JAKMIP2: variants seen among roughly 807,000 people sequenced by gnomAD.
JAKMIP2 encodes the protein janus kinase and microtubule interacting protein 2.
In JAKMIP2, 25 loss-of-function variants were observed where a neutral mutation model predicts 115.0. The ratio of observed to expected loss-of-function variants is 0.22; its 90% confidence interval spans 0.16 to 0.30. The LOEUF is 0.30. Ranked by LOEUF, JAKMIP2 falls within the 10% of genes least tolerant of loss-of-function variation. The pLI, the probability that JAKMIP2 is intolerant of heterozygous loss-of-function variation, is 1.00. For missense variants in JAKMIP2, 642 were observed against 957.6 expected, an observed-to-expected ratio of 0.67 and a Z score of 4.35; for synonymous variants, 334 against 343.6, an observed-to-expected ratio of 0.97 and a Z score of 0.31.
At chr5:147,599,225 G>T (rs561487931) in intron 21 of JAKMIP2, among the ~76,000 whole-genome samples, 1 of 152,242 alleles carries the variant, frequency 6.6e-6, no homozygotes, top group South Asian at 2.1e-4. Flanking sequence ...GCACTGTTAT[G>T]CCTTTGACAT....
At chr5:147,617,430 G>C (rs1756642530) in intron 19 of JAKMIP2, among the ~76,000 whole-genome samples, 1 of 152,166 alleles carries the variant, frequency 6.6e-6, no homozygotes, top group Non-Finnish European at 1.5e-5. Context: ...TTTAGTTACT[G>C]ACATAAAGCA....
intron 1 of JAKMIP2, among the ~76,000 whole-genome samples, chr5:147,724,176 C>G (rs918248001): frequency 6.6e-6 from 1 of 152,118 alleles, no homozygotes; most frequent in Non-Finnish European, 1.5e-5. Flanking sequence ...GAGTTAGGTC[C>G]TGTGGATACA....
chr5:147,709,890 C>T (rs1752718136), intron 1 of JAKMIP2, among the ~76,000 whole-genome samples: 1 of 152,090 alleles, frequency 6.6e-6, no homozygotes, highest in African/African-American at 2.4e-5. Context: ...AGTCTTTCTT[C>T]TTTTGTTCTC....
Position 147,585,941 on chromosome 5 carries a change from T to G in JAKMIP2, c.*5766A>C, listed in dbSNP as rs1754850198. 6.6e-6 allele frequency: 1 copy of G among 151,912 alleles called. No homozygotes were observed. Among genetic ancestry groups the G allele is most frequent in the Admixed American group, 6.6e-5 (1 of 15,240 alleles). The allele number at this position is 151,912 out of a possible 1,614,324, so 9.4% of individuals were successfully genotyped here. ...TTTGGCTAATTTTAATACTGTAGAT[T>G]GTGCTGAACTTTCTGTTGCTCTTTC... On this transcript the variant is annotated 3_prime_UTR_variant, in exon 22 of 22. Coordinates refer to ENST00000616793, the MANE Select transcript of JAKMIP2 (RefSeq NM_001270941.2).
At chr5:147,762,533 T>C (rs767430443) in intron 1 of JAKMIP2, among the ~76,000 whole-genome samples, 3 of 152,056 alleles carry the variant, frequency 2.0e-5, no homozygotes, top group Non-Finnish European at 4.4e-5. Flanking sequence ...AGCAGCTACC[T>C]TCTTGCTGTG....
At chr5:147,678,455 C>A (rs1447733460) in intron 1 of JAKMIP2, among the ~76,000 whole-genome samples, 1 of 152,194 alleles carries the variant, frequency 6.6e-6, no homozygotes, top group African/African-American at 2.4e-5. Context: ...ATCCATGTCA[C>A]AAATGAAAAT....
At chr5:147,718,383 C>T (rs1753105993) in intron 1 of JAKMIP2, among the ~76,000 whole-genome samples, 1 of 151,444 alleles carries the variant, frequency 6.6e-6, no homozygotes, top group Admixed American at 6.6e-5. Context: ...GGGAGGATTC[C>T]CTCTTTTTCT....
intron 2 of JAKMIP2, among the ~76,000 whole-genome samples, chr5:147,664,002 G>A (rs568841452): frequency 9.9e-5 from 15 of 152,272 alleles, no homozygotes; most frequent in African/African-American, 3.6e-4. Context: ...GGTAAAGAAT[G>A]TAAAATATCT....
rs1183190571 is a variant in JAKMIP2 at position 147,587,321 on chromosome 5, A to C, written c.*4386T>G. On this transcript the variant is annotated 3_prime_UTR_variant, in exon 22 of 22. Coordinates refer to ENST00000616793, the MANE Select transcript of JAKMIP2 (RefSeq NM_001270941.2). The stretch of plus-strand genomic sequence containing the variant: ...AAAATGATAGAATTAAACTGCCAAA[A>C]GCTGTCATTAATTACCAAAACACTG... 2.0e-5 allele frequency: 3 copies of C among 152,154 alleles called. No homozygotes were observed. The highest frequency in any genetic ancestry group is 3.2e-3 in the Middle Eastern group (1 of 316). 9.4% of individuals were successfully genotyped at this position (152,154 alleles called of 1,614,324 possible). A position where few individuals can be genotyped will look rare whatever the true frequency, so the allele number is the denominator to read the frequency against.
chr5:147,709,773 C>G (rs776511531), intron 1 of JAKMIP2, among the ~76,000 whole-genome samples: 23 of 152,066 alleles, frequency 1.5e-4, no homozygotes, highest in African/African-American at 5.1e-4. Context: ...TGCCTAAATC[C>G]GGGAGGCGGA....
chr5:147,618,263 T>C, intron 18 of JAKMIP2, 149 bp from the exon 19 acceptor site: 1 of 638,538 alleles, frequency 1.6e-6, no homozygotes, highest in Non-Finnish European at 2.7e-6. Context: ...TTCTCTAGCC[T>C]AATTACACTT....
chr5:147,714,457 AAAAG>A (rs1215813296), intron 1 of JAKMIP2, among the ~76,000 whole-genome samples: 1 of 152,212 alleles, frequency 6.6e-6, no homozygotes, highest in African/African-American at 2.4e-5. Flanking sequence ...TGCAAGAAAC[AAAAG>A]AAAGTAAAAG....
At chr5:147,616,613 C>T (rs953807737) in intron 19 of JAKMIP2, among the ~76,000 whole-genome samples, 7 of 152,118 alleles carry the variant, frequency 4.6e-5, no homozygotes, top group Admixed American at 4.6e-4. Flanking sequence ...GTGCAGAGTA[C>T]ATTTTTATCC....
At chr5:147,662,813 C>T (rs1006851939) in intron 2 of JAKMIP2, among the ~76,000 whole-genome samples, 3 of 151,950 alleles carry the variant, frequency 2.0e-5, no homozygotes, top group Non-Finnish European at 4.4e-5. Context: ...GGTGAAACCC[C>T]GTCTCTATTA....
intron 1 of JAKMIP2, among the ~76,000 whole-genome samples, chr5:147,675,299 T>C (rs1204437224): frequency 2.0e-5 from 3 of 152,108 alleles, no homozygotes; most frequent in African/African-American, 7.2e-5. Context: ...CAGGAAGTTA[T>C]TGATAGCATC....
chr5:147,618,113 C>T lies in JAKMIP2; in HGVS notation c.2144G>A (p.Arg715Lys), dbSNP rs1756671888. ...RKQALDQAYM[R>K]IQELEATLYN... is the part of the protein sequence containing the mutation. The stretch of plus-strand genomic sequence containing the variant: ...CAAAGTAGCTTCTAGTTCCTGGATT[C>T]TCTGGCAAATAGAATTAGAAAAGTC... The change falls in exon 19 of 22, where the codon AGA (arginine) becomes AAA (lysine). Residue 715 changes from arginine to lysine, a missense_variant and splice_region_variant. Coordinates refer to ENST00000616793, the MANE Select transcript of JAKMIP2 (RefSeq NM_001270941.2). The T allele has an allele frequency of 6.2e-7, 1 of 1,611,248 alleles. No homozygotes were observed. The highest frequency in any genetic ancestry group is 1.3e-5 in the African/African-American group (1 of 74,866).
chr5:147,734,972 T>C (rs1029231455), intron 1 of JAKMIP2, among the ~76,000 whole-genome samples: 4 of 152,190 alleles, frequency 2.6e-5, no homozygotes, highest in African/African-American at 9.7e-5. Flanking sequence ...AATGCTCTAC[T>C]ACTGCAGGAA....
intron 1 of JAKMIP2, among the ~76,000 whole-genome samples, chr5:147,705,342 C>A (rs1432374630): frequency 2.0e-5 from 3 of 152,060 alleles, no homozygotes; most frequent in Non-Finnish European, 2.9e-5. Context: ...GTGGCTTATG[C>A]CTATAATCCT....
At chr5:147,594,803 T>C (rs1755282742) in intron 21 of JAKMIP2, among the ~76,000 whole-genome samples, 1 of 152,208 alleles carries the variant, frequency 6.6e-6, no homozygotes, top group African/African-American at 2.4e-5. Context: ...ATTCAATAAA[T>C]GGTAGCTATT....
Sources: allele counts gnomAD v4.1 joint callset (sites outside exome capture counted in the v4.1 genomes callset), GRCh38; gene constraint gnomAD v4.1.1; transcripts MANE v1.5; gene names NCBI Gene and HGNC (gene_info 2026-07-23, HGNC 2026-07-21).